The following OAS3 variants were observed in gnomAD, a reference collection of about 807,000 sequenced individuals.
OAS3 encodes 2'-5'-oligoadenylate synthase 3.
A neutral mutation model predicts 113.0 loss-of-function variants in OAS3; 107 were observed. The observed-to-expected ratio is 0.95, with a 90% CI of 0.81 to 1.11. The LOEUF (loss-of-function observed/expected upper bound fraction) is 1.11. Among genes scored for constraint, OAS3 ranks in the 50% most tolerant of loss-of-function variants. The probability of loss-of-function intolerance (pLI) is 0.00; values close to 1 mark genes in which losing one functional copy is unlikely to be tolerated. For synonymous variants in OAS3, 552 were observed against 573.6 expected (o/e 0.96, Z 0.54); for missense variants, 1,258 against 1,389.1 (o/e 0.91, Z 1.50).
At chr12:112,969,386 G>A (rs1051283823) in intron 14 of OAS3, 5 of 592,138 alleles carry the variant, frequency 8.4e-6, no homozygotes, top group African/African-American at 7.4e-5. Flanking sequence ...GTAGCACCGT[G>A]GTTGATTAGT....
chr12:112,947,075 G>C, intron 4 of OAS3, 94 bp downstream of exon 4: 1 of 1,016,806 alleles, frequency 9.8e-7, no homozygotes, highest in Non-Finnish European at 1.5e-6. Context: ...CTGAGTGCTT[G>C]GGTATAGAGG....
rs1431960836 is a variant in OAS3 at position 112,944,630 on chromosome 12, G to A, written c.615G>A (p.Leu205=). 1.2e-6 allele frequency: 2 copies of A among 1,613,938 alleles called. No homozygotes were observed. The highest frequency in any genetic ancestry group is 1.7e-5 in the Admixed American group (1 of 60,014). Residue 205 remains leucine, a synonymous_variant, in exon 3 of 16, where the codon CTG becomes CTA. Coordinates refer to ENST00000228928, the MANE Select transcript of OAS3 (RefSeq NM_006187.4). ...CCAAGTTGAAGAACCTAATCTTGCT[G>A]GTGAAGCACTGGTACCACCAGGTGA... ...RPAKLKNLIL[L]VKHWYHQVCL... is the part of the protein sequence containing the mutation.
In OAS3 at chr12:112,938,620, G is replaced by T. The variant is rs983891822; in HGVS notation, c.90G>T (p.Arg30=). The T allele has an allele frequency of 5.6e-6, 9 of 1,608,906 alleles. No homozygotes were observed. In the African/African-American group the frequency reaches 8.0e-5, roughly 14 times the overall value. ...QPRKEFVEKA[R]RALGALAAAL... ...GGAAGGAGTTCGTAGAGAAGGCGCG[G>T]CGCGCTCTGGGCGCCCTGGCCGCTG... Residue 30 remains arginine, a synonymous_variant, in exon 1 of 16, where the codon CGG becomes CGT. Coordinates refer to ENST00000228928, the MANE Select transcript of OAS3 (RefSeq NM_006187.4).
chr12:112,950,594 G>A (rs2043779618), intron 6 of OAS3, 99 bp from the exon 7 acceptor site: 2 of 1,369,778 alleles, frequency 1.5e-6, no homozygotes, highest in African/African-American at 1.4e-5. Context: ...CAGCAAGAGG[G>A]CAGGTTCCAG....
In OAS3 at chr12:112,967,465, C is replaced by T. The variant is rs2043944782; in HGVS notation, c.2737C>T (p.Leu913Phe). 4.3e-6 allele frequency: 7 copies of T among 1,613,686 alleles called. No homozygotes were observed. Among genetic ancestry groups the T allele is most frequent in the Non-Finnish European group, 5.1e-6 (6 of 1,179,782 alleles). The change falls in exon 13 of 16, where the codon CTC (leucine) becomes TTC (phenylalanine). Residue 913 changes from leucine to phenylalanine, a missense_variant. By Grantham distance (22) the Leu-to-Phe change is conservative. Coordinates refer to ENST00000228928, the MANE Select transcript of OAS3 (RefSeq NM_006187.4). ...SRPSSQVYVD[L>F]IHSYSNAGEY... Reference sequence around the variant, plus strand: ...GCCCAGCTCTCAAGTCTACGTCGACCTCATCCACAGCTACAGCAATGCGGG... The same window carrying T: ...GCCCAGCTCTCAAGTCTACGTCGACTTCATCCACAGCTACAGCAATGCGGG...
chr12:112,970,018 AC>A lies in OAS3; in HGVS notation c.*47del. Reference sequence around the variant, plus strand: ...CCTACTGGATGAAGAGAAGATGGACACCAGCCCTCAGCATGAGGAAATTCAG... The same window carrying A: ...CCTACTGGATGAAGAGAAGATGGACACAGCCCTCAGCATGAGGAAATTCAG... On this transcript the variant is annotated 3_prime_UTR_variant, in exon 16 of 16. Transcript: ENST00000228928. 1 of 1,598,088 alleles carries A rather than the reference AC, an allele frequency of 6.3e-7. No individual in the cohort carries two copies. Among genetic ancestry groups the A allele is most frequent in the Non-Finnish European group, 8.5e-7 (1 of 1,171,426 alleles).
At chr12:112,967,322 A>G in intron 12 of OAS3, 96 bp from the exon 13 acceptor site, 1 of 1,233,332 alleles carries the variant, frequency 8.1e-7, no homozygotes, top group African/African-American at 1.5e-5. Flanking sequence ...TTAGGAAAAC[A>G]CCCAAGAGGT....
At position 112,938,573 on chromosome 12, in the gene OAS3, G is replaced by T; in HGVS notation, c.43G>T (p.Val15Leu). Residue 15 changes from valine to leucine, a missense_variant, in exon 1 of 16, where the codon GTG becomes TTG. By Grantham distance (32) the Val-to-Leu change is conservative. Transcript: ENST00000228928. ...CCCGGCCGCTGCGCTGGACAGGTTCGTGGCCAGAAGGCTGCAGCCGCGGAA... is the reference window on the plus strand; with the variant it reads ...CCCGGCCGCTGCGCTGGACAGGTTCTTGGCCAGAAGGCTGCAGCCGCGGAA... Reference protein sequence around the residue: ...STPAAALDRFVARRLQPRKEF... With the variant: ...STPAAALDRFLARRLQPRKEF... The T allele has an allele frequency of 1.2e-6, 2 of 1,610,424 alleles. No individual in the cohort carries two copies. The highest frequency in any genetic ancestry group is 8.5e-7 in the Non-Finnish European group (1 of 1,178,856).
In OAS3 at chr12:112,946,967, G is replaced by A; in HGVS notation, c.861G>A (p.Gln287=). 1 of 1,613,920 alleles carries A rather than the reference G, an allele frequency of 6.2e-7. No individual in the cohort carries two copies. The highest frequency in any genetic ancestry group is 1.7e-5 in the Admixed American group (1 of 60,020). The change falls in exon 4 of 16, where the codon CAG becomes CAA. Residue 287 remains glutamine (Q), a synonymous_variant. Transcript: ENST00000228928. The part of the protein sequence containing the change: ...DPAVGQFLQR[Q]LKRPRPVILD... ...CAGTTGGGCAGTTCTTGCAGCGGCA[G>A]CTTAAGAGACCCAGGTACTTCCTAA...
chr12:112,951,071 C>G, intron 7 of OAS3, 96 bp downstream of exon 7: 1 of 1,298,970 alleles, frequency 7.7e-7, no homozygotes, highest in Admixed American at 2.5e-5. Flanking sequence ...CCTAATTCTC[C>G]TACTTGACCA....
In OAS3 at chr12:112,961,070, G is replaced by T. The variant is rs1466072087; in HGVS notation, c.1658-1G>T. On this transcript the variant is annotated splice_acceptor_variant, in intron 7 of 15. Transcript: ENST00000228928. LOFTEE classifies it high-confidence loss of function. ...ACTCAGGGTGTTTCAAACTTCTACA[G>T]GGCAGCTCAGTTCTGGCACCAAACC... 1.9e-6 allele frequency: 3 copies of T among 1,612,822 alleles called. No homozygotes were observed. The highest frequency in any genetic ancestry group is 2.5e-6 in the Non-Finnish European group (3 of 1,179,458).
At chr12:112,940,514 T>C (rs1391620013) in intron 1 of OAS3, among the ~76,000 whole-genome samples, 1 of 152,220 alleles carries the variant, frequency 6.6e-6, no homozygotes, top group Non-Finnish European at 1.5e-5. Context: ...TGACAATGTT[T>C]AGGAGTTTCT....
intron 7 of OAS3, among the ~76,000 whole-genome samples, chr12:112,956,464 GT>G (rs1411112890): frequency 6.6e-6 from 1 of 152,132 alleles, no homozygotes; most frequent in African/African-American, 2.4e-5. Context: ...GCTTTCTCCT[GT>G]GGTCATTTAA....
At chr12:112,967,326 A>G (rs1049282022) in intron 12 of OAS3, 92 bp from the exon 13 acceptor site, 4 of 1,276,522 alleles carry the variant, frequency 3.1e-6, no homozygotes, top group Non-Finnish European at 4.3e-6. Context: ...GAAAACACCC[A>G]AGAGGTAGGA....
intron 8 of OAS3, 139 bp downstream of exon 8, chr12:112,961,385 A>C: frequency 1.3e-6 from 1 of 751,416 alleles, no homozygotes; most frequent in Non-Finnish European, 2.1e-6. Context: ...GGCCTCCTCC[A>C]TCCTCCATTT....
rs572607694 is a variant in OAS3 at position 112,944,570 on chromosome 12, A to T, written c.555A>T (p.Thr185=). 23 of 1,613,836 alleles carry T rather than the reference A, an allele frequency of 1.4e-5. No individual in the cohort carries two copies. The highest frequency in any genetic ancestry group is 1.8e-5 in the Non-Finnish European group (21 of 1,179,802). ...CQGGEHAACF[T]ELRRNFVNIR... is the part of the protein sequence containing the mutation. ...GGGGCGAGCATGCGGCCTGCTTCAC[A>T]GAGCTGCGGAGGAACTTTGTGAACA... The change falls in exon 3 of 16, where the codon ACA becomes ACT. Residue 185 remains threonine (T), a synonymous_variant. Coordinates refer to ENST00000228928, the MANE Select transcript of OAS3 (RefSeq NM_006187.4).
rs2043819735 is a variant in OAS3 at position 112,954,839 on chromosome 12, T to G, written c.1657+3864T>G. ...GGTTTCATATGAACTTTAAAGTAGT[T>G]TTTTCCAATTCTGTGAAGAAAGTCA... On this transcript the variant is annotated intron_variant, in intron 7 of 15. Coordinates refer to ENST00000228928, the MANE Select transcript of OAS3 (RefSeq NM_006187.4). This position sits in a 1 kb window ranked among gnomAD's most constrained non-coding sequence, Gnocchi z 4.0. 6.6e-6 allele frequency among the ~76,000 whole-genome samples: 1 copy of G among 152,218 alleles called. No homozygotes were observed. Among genetic ancestry groups the G allele is most frequent in the Non-Finnish European group, 1.5e-5 (1 of 68,030 alleles).
chr12:112,961,321 A>G, intron 8 of OAS3, 75 bp downstream of exon 8: 3 of 1,335,828 alleles, frequency 2.2e-6, no homozygotes, highest in Non-Finnish European at 3.1e-6. Context: ...TTCCTCCTCT[A>G]CACCCACATC....
rs2043681941 is a variant in OAS3, at chr12:112,941,752, T to TC, written c.362dup (p.Glu122Ter). ...CAGTCCCTGGTCTGAGACTCACGTT[T>TC]CCTGAGCAGAGCGTGCCTGGGGCCC... On this transcript the variant is annotated frameshift_variant, in exon 2 of 16. Coordinates refer to ENST00000228928, the MANE Select transcript of OAS3 (RefSeq NM_006187.4). LOFTEE classifies it high-confidence loss of function. 6.2e-7 allele frequency: 1 copy of TC among 1,613,880 alleles called. No homozygotes were observed. Among genetic ancestry groups the TC allele is most frequent in the African/African-American group, 1.3e-5 (1 of 74,920 alleles).
Sources: gnomAD v4.1 joint callset for allele counts (sites outside exome capture counted in the v4.1 genomes callset) on GRCh38, gnomAD v4.1.1 for gene constraint, Gnocchi (gnomAD v3.1) non-coding constraint, MANE v1.5 for transcripts, NCBI Gene and HGNC (gene_info 2026-07-23, HGNC 2026-07-21) for gene names.